Variants in TAB3 observed in about 807,000 individuals in gnomAD.
TAB3 encodes the protein TGF-beta activated kinase 1 (MAP3K7) binding protein 3.
A neutral mutation model predicts 48.1 loss-of-function variants in TAB3; 18 were observed. The ratio of observed to expected loss-of-function variants is 0.37; its 90% CI spans 0.26 to 0.55. The LOEUF (loss-of-function observed/expected upper bound fraction) is 0.55. Ranked by LOEUF, TAB3 falls within the 20% of genes least tolerant of loss-of-function variation. The pLI is 0.78. For synonymous variants in TAB3, 185 were observed against 190.2 expected, an observed-to-expected ratio of 0.97 and a Z score of 0.22; for missense variants, 414 against 549.8, an observed-to-expected ratio of 0.75 and a Z score of 2.47.
intron 1 of TAB3, among the ~76,000 whole-genome samples, chrX:30,875,716 T>C (rs1490594766): frequency 1.8e-5 from 2 of 112,379 alleles, no homozygotes; most frequent in African/African-American, 6.5e-5. Flanking sequence ...GGTCTAGCAA[T>C]TGACCAAGGT....
chrX:30,833,780 G>A (rs780509456), intron 10 of TAB3, among the ~76,000 whole-genome samples: 3 of 103,685 alleles, frequency 2.9e-5, no homozygotes, highest in East Asian at 3.0e-4. Flanking sequence ...GCAGTGAGCC[G>A]GGATAGCGCC....
chrX:30,864,006 A>G (rs1422846284), intron 4 of TAB3, among the ~76,000 whole-genome samples: 1 of 112,108 alleles, frequency 8.9e-6, no homozygotes, highest in Admixed American at 9.4e-5. Flanking sequence ...ATACACATTG[A>G]GTTTGTTTCT....
chrX:30,861,507 C>A (rs758249491), intron 4 of TAB3, among the ~76,000 whole-genome samples: 5 of 111,635 alleles, frequency 4.5e-5, no homozygotes, highest in Admixed American at 2.9e-4. Context: ...AACTCCAAAT[C>A]TGAAATACTA....
At chrX:30,846,409 G>T in intron 8 of TAB3, 142 bp downstream of exon 8, 1 of 434,403 alleles carries the variant, frequency 2.3e-6, no homozygotes, top group Non-Finnish European at 3.8e-6. Flanking sequence ...CATGACCATG[G>T]GACAGGGGGA....
At chrX:30,850,353 A>C (rs761850945) in intron 7 of TAB3, among the ~76,000 whole-genome samples, 1 of 112,169 alleles carries the variant, frequency 8.9e-6, no homozygotes, top group Admixed American at 9.4e-5. Context: ...AATTATAATA[A>C]AAGTTAAAAC....
chrX:30,863,969 C>A (rs1939330008), intron 4 of TAB3, among the ~76,000 whole-genome samples: 1 of 112,241 alleles, frequency 8.9e-6, no homozygotes, highest in Non-Finnish European at 1.9e-5. Context: ...CCAAATATAT[C>A]AATGTAGGCA....
At chrX:30,881,825 T>C (rs1379125057) in intron 1 of TAB3, among the ~76,000 whole-genome samples, 2 of 112,132 alleles carry the variant, frequency 1.8e-5, no homozygotes, top group Admixed American at 9.4e-5. Flanking sequence ...TCAAGTTATT[T>C]AATTAAGTTC....
chrX:30,842,581 A>G (rs1345332733), intron 9 of TAB3, among the ~76,000 whole-genome samples: 1 of 111,454 alleles, frequency 9.0e-6, no homozygotes, highest in Admixed American at 9.6e-5. Flanking sequence ...ACATTTCATT[A>G]TTGCCACATT....
At chrX:30,867,731 G>GT (rs1307400688) in intron 2 of TAB3, among the ~76,000 whole-genome samples, 182 bp from the exon 3 acceptor site, 2 of 110,775 alleles carry the variant, frequency 1.8e-5, no homozygotes, top group African/African-American at 6.6e-5. Context: ...TTTCTTTTAG[G>GT]TCAGAAATAT....
At chrX:30,867,087 C>T (rs1048445910) in intron 4 of TAB3, 28 bp downstream of exon 4, 27 of 110,552 alleles carry the variant, frequency 2.4e-4, no homozygotes, top group African/African-American at 8.6e-4. Context: ...TCTGACACAT[C>T]CCAATTGAGT....
At chrX:30,851,918 C>T (rs1305252085) in intron 7 of TAB3, among the ~76,000 whole-genome samples, 2 of 112,091 alleles carry the variant, frequency 1.8e-5, no homozygotes, top group African/African-American at 3.2e-5. Context: ...TGCACAGAAA[C>T]GAGTTGATGT....
At chrX:30,861,783 TAAAAA>T (rs1279382606) in intron 4 of TAB3, among the ~76,000 whole-genome samples, 1 of 111,869 alleles carries the variant, frequency 8.9e-6, no homozygotes, top group Non-Finnish European at 1.9e-5. Flanking sequence ...GTGGCCAACT[TAAAAA>T]GAAATAGGTG....
chrX:30,863,880 CAA>C (rs750212999), intron 4 of TAB3, among the ~76,000 whole-genome samples: 1 of 112,099 alleles, frequency 8.9e-6, no homozygotes, highest in South Asian at 3.6e-4. Flanking sequence ...CCAATAGAAA[CAA>C]AATGAAAACA....
At chrX:30,858,369 CAAAGT>C (rs1939140470) in intron 5 of TAB3, among the ~76,000 whole-genome samples, 1 of 111,303 alleles carries the variant, frequency 9.0e-6, no homozygotes, top group African/African-American at 3.3e-5. Context: ...AAAATGGGGC[CAAAGT>C]AAAGAGCTGA....
intron 2 of TAB3, among the ~76,000 whole-genome samples, chrX:30,870,456 G>A (rs369949404): frequency 1.8e-5 from 2 of 111,746 alleles, no homozygotes; most frequent in South Asian, 3.7e-4. Context: ...CCATGTCCTC[G>A]TAGTGAGAGA....
intron 4 of TAB3, among the ~76,000 whole-genome samples, chrX:30,864,888 G>A (rs573062410): frequency 1.8e-5 from 2 of 110,810 alleles, no homozygotes; most frequent in South Asian, 3.8e-4. Flanking sequence ...GAAAAATCAC[G>A]TGATCTAGCA....
chrX:30,839,921 T>TATATATATATATATA (rs1443687090), intron 9 of TAB3, among the ~76,000 whole-genome samples: 6 of 6,130 alleles, frequency 9.8e-4, no homozygotes, highest in Non-Finnish European at 2.6e-3. Context: ...ATATTATATA[T>TATATATATATATATA]ATATATATAT....
At chrX:30,860,470 AC>A (rs1243084546) in intron 4 of TAB3, among the ~76,000 whole-genome samples, 1 of 111,940 alleles carries the variant, frequency 8.9e-6, no homozygotes, top group African/African-American at 3.2e-5. Flanking sequence ...GATGAACATC[AC>A]CAATGAGGGC....
chrX:30,846,701 T>C (rs1938634619), intron 7 of TAB3, 57 bp from the exon 8 acceptor site: 1 of 760,660 alleles, frequency 1.3e-6, no homozygotes, highest in Non-Finnish European at 2.0e-6. Context: ...AAGCCCAACA[T>C]TTAAGAACTG....
Sources: allele counts gnomAD v4.1 joint callset (sites outside exome capture counted in the v4.1 genomes callset), GRCh38; gene constraint gnomAD v4.1.1; transcripts MANE v1.5; gene names NCBI Gene and HGNC (gene_info 2026-07-23, HGNC 2026-07-21).